The following SLC19A1 variants were observed in gnomAD, a reference collection of about 807,000 sequenced individuals.
The protein encoded by SLC19A1 is reduced folate transporter.
SLC19A1 carries 37 observed loss-of-function variants against 35.3 expected under a neutral mutation model. That is an observed-to-expected ratio of 1.05 (90% CI 0.81 to 1.38). The LOEUF (loss-of-function observed/expected upper bound fraction) is 1.38. Ranked by LOEUF, SLC19A1 falls within the 40% of genes most tolerant of loss-of-function variation. The pLI, the probability that SLC19A1 is intolerant of heterozygous loss-of-function variation, is 0.00. For missense variants in SLC19A1, 831 were observed against 826.9 expected (o/e 1.00, Z -0.06); for synonymous variants, 460 against 398.5 (o/e 1.15, Z -1.84).
chr21:45,515,912 G>C lies in SLC19A1; in HGVS notation c.1522C>G (p.Leu508Val). The C allele has an allele frequency of 3.2e-6, 5 of 1,551,454 alleles. No homozygotes were observed. Among genetic ancestry groups the C allele is most frequent in the Non-Finnish European group, 4.4e-6 (5 of 1,148,570 alleles). The change falls in exon 6 of 6, where the codon CTG becomes GTG. Residue 508 changes from leucine to valine, a missense_variant. Physicochemically the swap from Leu to Val is conservative, Grantham distance 32 (BLOSUM62 1). Transcript: ENST00000311124. ...QSPPLSPEDS[L>V]GAVGPASLEQ... ...AGGGAGGCTGGCCCCACAGCCCCCA[G>C]GCTGTCTTCTGGGGAAAGCGGCGGG...
chr21:45,511,765 G>C (rs1052468632), downstream of SLC19A1, among the ~76,000 whole-genome samples: 3 of 152,336 alleles, frequency 2.0e-5, no homozygotes, highest in African/African-American at 7.2e-5. Flanking sequence ...GCCATCTGCT[G>C]TAACGGAGAT....
chr21:45,515,881 T>C lies in SLC19A1; in HGVS notation c.1553A>G (p.Gln518Arg). The C allele has an allele frequency of 6.4e-7, 1 of 1,569,998 alleles. No homozygotes were observed. The change falls in exon 6 of 6, where the codon CAG becomes CGG. Residue 518 changes from glutamine (Q) to arginine (R), a missense_variant. Gln to Arg is a conservative substitution (Grantham distance 43). Transcript: ENST00000311124. ...GGCCAGGTATGGGTCGCTCTGTCTC[T>C]GCTCCAGGGAGGCTGGCCCCACAGC... The part of the protein sequence containing the change: ...LGAVGPASLE[Q>R]RQSDPYLAQA...
chr21:45,514,665 A>C lies in SLC19A1; in HGVS notation c.*993T>G. 1 of 264,318 alleles carries C rather than the reference A, an allele frequency of 3.8e-6. No individual in the cohort carries two copies. Among genetic ancestry groups the C allele is most frequent in the Non-Finnish European group, 7.1e-6 (1 of 141,098 alleles). The allele number at this position is 264,318 out of a possible 1,614,324, so 16.4% of individuals were successfully genotyped here. ...CTCCTGGCCTCCTCACTGACTGCTG[A>C]CCCTCAACCCCCAGGCCAGGCCGGC... On this transcript the variant is annotated 3_prime_UTR_variant, in exon 6 of 6. Coordinates refer to ENST00000311124, the MANE Select transcript of SLC19A1 (RefSeq NM_194255.4).
intron 3 of SLC19A1, chr21:45,505,302 C>A (rs112155290): frequency 2.5e-6 from 4 of 1,604,372 alleles, no homozygotes; most frequent in Non-Finnish European, 3.4e-6. Flanking sequence ...GAGTGGGCCC[C>A]GGGCAGAGGC....
At chr21:45,509,318 G>A, downstream of SLC19A1, 1 of 1,537,398 alleles carries the variant, frequency 6.5e-7, no homozygotes, top group Non-Finnish European at 8.7e-7. Context: ...CACCCGGAGG[G>A]TCCCCCCGCC....
chr21:45,554,729 G>T (rs1232158969), intron 1 of SLC19A1, among the ~76,000 whole-genome samples: 3 of 150,972 alleles, frequency 2.0e-5, no homozygotes, highest in Non-Finnish European at 4.4e-5. Context: ...ATCTCCTTCC[G>T]CTTGGCTGTG....
Position 45,534,834 on chromosome 21 carries a change from A to T in SLC19A1, c.190-2686T>A. On this transcript the variant is annotated intron_variant, in intron 2 of 5. Coordinates refer to ENST00000311124, the MANE Select transcript of SLC19A1 (RefSeq NM_194255.4). This position sits in a 1 kb window ranked among gnomAD's most constrained non-coding sequence, Gnocchi z 4.2. ...ACAACGGTCCCAGCAGGGAGGTGGC[A>T]TCTGTCAGGCGGCCACGACTCTGAC... is the stretch of plus-strand genomic sequence containing the variant. The T allele has an allele frequency of 1.8e-6, 1 of 566,618 alleles. No individual in the cohort carries two copies. Among genetic ancestry groups the T allele is most frequent in the Non-Finnish European group, 3.2e-6 (1 of 316,846 alleles). 35.1% of individuals were successfully genotyped at this position (566,618 alleles called of 1,614,324 possible).
rs772308369 is a variant in SLC19A1, at chr21:45,534,695, T to C, written c.190-2547A>G. On this transcript the variant is annotated intron_variant, in intron 2 of 5. Coordinates refer to ENST00000311124, the MANE Select transcript of SLC19A1 (RefSeq NM_194255.4). This position sits in a 1 kb window ranked among gnomAD's most constrained non-coding sequence, Gnocchi z 4.2. ...GCCCTCCCGCTCCTCTCCCTGCACC[T>C]CCTCAACGGCCCCTACTCCCTCTTC... The C allele has an allele frequency of 1.8e-4, 188 of 1,059,582 alleles. No homozygotes were observed. The Middle Eastern group carries it at 3.3e-3, about 19-fold the overall frequency. The allele number at this position is 1,059,582 out of a possible 1,614,324, so 65.6% of individuals were successfully genotyped here.
At chr21:45,505,363 A>C in intron 3 of SLC19A1, 1 of 1,594,398 alleles carries the variant, frequency 6.3e-7, no homozygotes, top group South Asian at 1.1e-5. Context: ...TGCAGCTATC[A>C]GCGTTCCCGG....
At chr21:45,503,799 A>C (rs1238011639) in intron 3 of SLC19A1, 5 of 302,176 alleles carry the variant, frequency 1.7e-5, no homozygotes, top group Non-Finnish European at 2.4e-5. Flanking sequence ...TAAATTTAAA[A>C]AATTTAAAAA....
At chr21:45,511,078 AC>A (rs1555876756), downstream of SLC19A1, 352 of 964,456 alleles carry the variant, frequency 3.6e-4, 4 homozygotes, top group African/African-American at 4.5e-3. Flanking sequence ...ACCCCCACAC[AC>A]CACACACACA....
At chr21:45,548,712 C>A (rs763691429), upstream of SLC19A1, among the ~76,000 whole-genome samples, 3 of 152,026 alleles carry the variant, frequency 2.0e-5, no homozygotes, top group Non-Finnish European at 2.9e-5. Context: ...CCTCTGCACT[C>A]CAGCCTGGGC....
chr21:45,537,402 C>T (rs2078147551), intron 2 of SLC19A1, among the ~76,000 whole-genome samples: 2 of 151,854 alleles, frequency 1.3e-5, no homozygotes, highest in South Asian at 2.1e-4. Flanking sequence ...AGCTGCTCCC[C>T]GCCCACCCAT....
In SLC19A1 at chr21:45,533,077, G is replaced by C. The variant is rs915904301; in HGVS notation, c.190-929C>G. 6.6e-6 allele frequency among the ~76,000 whole-genome samples: 1 copy of C among 152,228 alleles called. No individual in the cohort carries two copies. Among genetic ancestry groups the C allele is most frequent in the Admixed American group, 6.5e-5 (1 of 15,278 alleles). ...AAGGCCAGACTCCAACCCAGGAGCA[G>C]GGAGGGGGGCAAACGCCCCTGTAGC... On this transcript the variant is annotated intron_variant, in intron 2 of 5. Transcript: ENST00000311124. This position sits in a 1 kb window ranked among gnomAD's most constrained non-coding sequence, Gnocchi z 4.5.
intron 5 of SLC19A1, among the ~76,000 whole-genome samples, chr21:45,520,045 CAGAA>C (rs527323151): frequency 1.2e-3 from 177 of 152,082 alleles, no homozygotes; most frequent in African/African-American, 4.0e-3. Flanking sequence ...AAATTAATAA[CAGAA>C]AGATAACAGG....
At chr21:45,505,191 C>G in intron 3 of SLC19A1, 1 of 1,605,270 alleles carries the variant, frequency 6.2e-7, no homozygotes, top group Non-Finnish European at 8.5e-7. Flanking sequence ...TCAGGGACCC[C>G]CCGGCATCGG....
rs891739520 is a variant in SLC19A1 at position 45,512,568 on chromosome 21, A to AT, written c.*3089dup. 51 of 679,678 alleles carry AT rather than the reference A, an allele frequency of 7.5e-5. No individual in the cohort carries two copies. The highest frequency in any genetic ancestry group is 2.0e-4 in the Admixed American group (7 of 35,856). 42.1% of individuals were successfully genotyped at this position (679,678 alleles called of 1,614,324 possible). On this transcript the variant is annotated 3_prime_UTR_variant, in exon 6 of 6. Coordinates refer to ENST00000311124, the MANE Select transcript of SLC19A1 (RefSeq NM_194255.4). ...GAAATAAAAGGAAGCCAAAGAGTGT[A>AT]TTTTTTTAAAAGTTTAAAACAGAAG...
chr21:45,527,468 C>T (rs1211504409), intron 4 of SLC19A1, among the ~76,000 whole-genome samples: 1 of 138,090 alleles, frequency 7.2e-6, no homozygotes, highest in Admixed American at 7.1e-5. Context: ...CAGGGCGGGC[C>T]CTGGAGGTGA....
At position 45,514,944 on chromosome 21, in the gene SLC19A1, C is replaced by T; in HGVS notation, c.*714G>A. ...CCGGGACCAGTCCCCTCCGGGCTGG[C>T]ACAAGTGTGGGAGCAGCTGAGGACC... is the stretch of plus-strand genomic sequence containing the variant. On this transcript the variant is annotated 3_prime_UTR_variant, in exon 6 of 6. Coordinates refer to ENST00000311124, the MANE Select transcript of SLC19A1 (RefSeq NM_194255.4). The T allele has an allele frequency of 1.4e-6, 2 of 1,446,480 alleles. No individual in the cohort carries two copies. Among genetic ancestry groups the T allele is most frequent in the Non-Finnish European group, 1.8e-6 (2 of 1,093,826 alleles). 89.6% of individuals were successfully genotyped at this position (1,446,480 alleles called of 1,614,324 possible). A position where few individuals can be genotyped will look rare whatever the true frequency, so the allele number is the denominator to read the frequency against.
Sources: allele counts gnomAD v4.1 joint callset (sites outside exome capture counted in the v4.1 genomes callset), GRCh38; gene constraint gnomAD v4.1.1; non-coding constraint Gnocchi (gnomAD v3.1); transcripts MANE v1.5; gene names NCBI Gene and HGNC (gene_info 2026-07-23, HGNC 2026-07-21).